The following SP100 variants were observed in gnomAD, a reference collection of about 807,000 sequenced individuals.
SP100 encodes the protein SP100 nuclear body protein, also known as nuclear autoantigen Sp-100.
A neutral mutation model predicts 130.0 loss-of-function variants in SP100; 84 were observed. The observed-to-expected ratio is 0.65, with a 90% CI of 0.54 to 0.77. SP100 has a LOEUF of 0.77. SP100 is among the 30% of genes least tolerant of loss of function. SP100 has a pLI of 0.00. For synonymous variants in SP100, 331 were observed against 351.7 expected (o/e 0.94, Z 0.66); for missense variants, 978 against 1,052.2 (o/e 0.93, Z 0.97).
In SP100 at chr2:230,443,203, G is replaced by C; in HGVS notation, c.270+104G>C. ...TCAGGGTACAATTTGCTAACTGACAGGTCTCCTATGAGTGGGGAACTTTTT... is the reference window on the plus strand; with the variant it reads ...TCAGGGTACAATTTGCTAACTGACACGTCTCCTATGAGTGGGGAACTTTTT... On this transcript the variant is annotated intron_variant, in intron 3 of 28. Transcript: ENST00000340126. 6 of 1,082,534 alleles carry C rather than the reference G, an allele frequency of 5.5e-6. 1 individual carries two copies. Among genetic ancestry groups the C allele is most frequent in the South Asian group, 4.3e-5 (3 of 69,962 alleles). The allele number at this position is 1,082,534 out of a possible 1,614,324, so 67.1% of individuals were successfully genotyped here.
At position 230,539,166 on chromosome 2, in the gene SP100, G is replaced by A. The variant is rs190056034; in HGVS notation, c.2095-101G>A. 1.7e-3 allele frequency: 1,245 copies of A among 717,218 alleles called. 17 individuals carry two copies. Among genetic ancestry groups the A allele is most frequent in the Middle Eastern group, 0.015 (58 of 4,000 alleles). 44.4% of individuals were successfully genotyped at this position (717,218 alleles called of 1,614,324 possible). ...ACTCAGCAATCTTTAATATTTTGAGGACAGAAATTTACAAGTGTGCCCTTG... is the reference window on the plus strand; with the variant it reads ...ACTCAGCAATCTTTAATATTTTGAGAACAGAAATTTACAAGTGTGCCCTTG... On this transcript the variant is annotated intron_variant, in intron 24 of 28. Transcript: ENST00000340126.
At chr2:230,449,238 T>C in intron 6 of SP100, 88 bp downstream of exon 6, 1 of 1,318,922 alleles carries the variant, frequency 7.6e-7, no homozygotes, top group African/African-American at 1.4e-5. Flanking sequence ...GTGTTAATGA[T>C]TGTCCAGAAT....
At chr2:230,502,861 G>C (rs1160752190) in intron 19 of SP100, among the ~76,000 whole-genome samples, 1 of 152,126 alleles carries the variant, frequency 6.6e-6, no homozygotes. Context: ...CACAACTACA[G>C]AGTTGAGTAG....
At chr2:230,477,347 A>G (rs1341286344) in intron 17 of SP100, among the ~76,000 whole-genome samples, 1 of 152,050 alleles carries the variant, frequency 6.6e-6, no homozygotes, top group Non-Finnish European at 1.5e-5. Context: ...TTATGTAGTC[A>G]AATTTGTCAG....
At chr2:230,535,376 C>T (rs1291399744) in intron 24 of SP100, among the ~76,000 whole-genome samples, 1 of 152,036 alleles carries the variant, frequency 6.6e-6, no homozygotes, top group Non-Finnish European at 1.5e-5. Flanking sequence ...ATTTACTAAC[C>T]TAATATGAAG....
intron 28 of SP100, among the ~76,000 whole-genome samples, chr2:230,542,280 T>G (rs1245540159): frequency 6.6e-6 from 1 of 152,184 alleles, no homozygotes; most frequent in Non-Finnish European, 1.5e-5. Context: ...CATTTCTAGA[T>G]GGTTTGTTTT....
At position 230,540,882 on chromosome 2, in the gene SP100, G is replaced by A. The variant is rs141404327; in HGVS notation, c.2217G>A (p.Pro739=). ...TTTATGCCCCATCTCTCAGGAACCCGTGGAGTTGCATCTTCTGCAGGATAA... is the reference window on the plus strand; with the variant it reads ...TTTATGCCCCATCTCTCAGGAACCCATGGAGTTGCATCTTCTGCAGGATAA... ...HIPSVEANKN[P]WSCIFCRIKT... Residue 739 remains proline, a synonymous_variant, in exon 26 of 29, where the codon CCG becomes CCA. Transcript: ENST00000340126. 7.4e-4 allele frequency: 1,196 copies of A among 1,611,468 alleles called. 2 individuals carry two copies. The highest frequency in any genetic ancestry group is 9.2e-4 in the Non-Finnish European group (1,086 of 1,178,248).
At position 230,498,479 on chromosome 2, in the gene SP100, C is replaced by G. The variant is rs1202494966; in HGVS notation, c.1664C>G (p.Pro555Arg). Residue 555 changes from proline (P) to arginine (R), a missense_variant, in exon 19 of 29, where the codon CCT (proline) becomes CGT (arginine). Physicochemically the swap from Pro to Arg is moderately radical, Grantham distance 103. Coordinates refer to ENST00000340126, the MANE Select transcript of SP100 (RefSeq NM_001080391.2). ...TTCTCAGGGAGAAAGAAAGACAGAC[C>G]TAGAAAACATTTAACTCTGAATAAC... ...GLQRGRKKDRPRKHLTLNNKV... is the reference protein window; with the variant it reads ...GLQRGRKKDRRRKHLTLNNKV... 1 of 1,499,674 alleles carries G rather than the reference C, an allele frequency of 6.7e-7. No individual in the cohort carries two copies. Among genetic ancestry groups the G allele is most frequent in the Non-Finnish European group, 8.8e-7 (1 of 1,131,880 alleles). The allele number at this position is 1,499,674 out of a possible 1,614,324, so 92.9% of individuals were successfully genotyped here. A position where few individuals can be genotyped will look rare whatever the true frequency, so the allele number is the denominator to read the frequency against.
At chr2:230,452,635 G>A (rs1322020073) in intron 8 of SP100, among the ~76,000 whole-genome samples, 2 of 152,062 alleles carry the variant, frequency 1.3e-5, no homozygotes, top group Non-Finnish European at 2.9e-5. Flanking sequence ...TTTTCAGTGT[G>A]TGCATATTTC....
chr2:230,442,945 C>T lies in SP100; in HGVS notation c.116C>T (p.Thr39Met), dbSNP rs373614701. ...AHSHDLQRMF[T>M]EDQGVDDRLL... ...GTGTCCTTTTTCCCTAGGATGTTCA[C>T]GGAAGACCAGGGTGTAGATGACAGG... is the stretch of plus-strand genomic sequence containing the variant. The change falls in exon 3 of 29, where the codon ACG becomes ATG. Residue 39 changes from threonine to methionine, a missense_variant. Thr to Met is a moderately conservative substitution (Grantham distance 81, BLOSUM62 -1). Coordinates refer to ENST00000340126, the MANE Select transcript of SP100 (RefSeq NM_001080391.2). The T allele has an allele frequency of 2.0e-5, 32 of 1,613,062 alleles. No individual in the cohort carries two copies. The highest frequency in any genetic ancestry group is 1.6e-4 in the South Asian group (15 of 90,948).
At chr2:230,456,978 TTA>T (rs2064305039) in intron 8 of SP100, among the ~76,000 whole-genome samples, 1 of 152,256 alleles carries the variant, frequency 6.6e-6, no homozygotes, top group Non-Finnish European at 1.5e-5. Context: ...TCTTTGGTTT[TTA>T]TGTTTCTTGT....
At chr2:230,426,069 C>T (rs1366233326) in intron 2 of SP100, among the ~76,000 whole-genome samples, 1 of 152,012 alleles carries the variant, frequency 6.6e-6, no homozygotes, top group Non-Finnish European at 1.5e-5. Context: ...CGATTCTTTG[C>T]ATTATCATGT....
chr2:230,515,039 C>T (rs1267897738), intron 24 of SP100: 3 of 1,600,558 alleles, frequency 1.9e-6, no homozygotes, highest in Admixed American at 3.5e-5. Context: ...AAAGCAGATC[C>T]TAAGAAGCTG....
At chr2:230,460,022 C>T (rs2064503774) in intron 8 of SP100, among the ~76,000 whole-genome samples, 1 of 152,202 alleles carries the variant, frequency 6.6e-6, no homozygotes, top group Admixed American at 6.5e-5. Context: ...CCTTTACTTA[C>T]TGGAATTTGC....
chr2:230,436,926 A>ACGC (rs59413754), intron 2 of SP100, among the ~76,000 whole-genome samples: 26 of 81,102 alleles, frequency 3.2e-4, no homozygotes, highest in African/African-American at 4.8e-4. Flanking sequence ...GTATACACAC[A>ACGC]AGTGTATACA....
intron 24 of SP100, among the ~76,000 whole-genome samples, chr2:230,534,007 T>C (rs935049526): frequency 1.4e-4 from 21 of 152,204 alleles, no homozygotes; most frequent in Admixed American, 7.2e-4. Context: ...TTATTTACCT[T>C]TTGAATAACT....
Position 230,466,352 on chromosome 2 carries a change from G to C in SP100, c.1193G>C (p.Arg398Thr). The change falls in exon 12 of 29, where the codon AGA becomes ACA. Residue 398 changes from arginine (R) to threonine (T), a missense_variant and splice_region_variant. Coordinates refer to ENST00000340126, the MANE Select transcript of SP100 (RefSeq NM_001080391.2). ...ACATTCAGAGAAAGTTTTAAGAAAA[G>C]AGGTAAGAGAAAGCTTTAGGAAAAG... is the stretch of plus-strand genomic sequence containing the variant. The part of the protein sequence containing the change: ...LSTFRESFKK[R>T]VIGQDHDFSE... 2.0e-6 allele frequency: 3 copies of C among 1,518,712 alleles called. No homozygotes were observed. Among genetic ancestry groups the C allele is most frequent in the Non-Finnish European group, 2.7e-6 (3 of 1,094,112 alleles). The allele number at this position is 1,518,712 out of a possible 1,614,324, so 94.1% of individuals were successfully genotyped here.
chr2:230,449,217 G>C (rs73000258), intron 6 of SP100, 67 bp downstream of exon 6: 17,399 of 1,504,772 alleles, frequency 0.012, 110 homozygotes, highest in Non-Finnish European at 0.014. Flanking sequence ...GTGCTGTGGG[G>C]TTGCCTCTTT....
chr2:230,435,096 G>A (rs1442747748), intron 2 of SP100, among the ~76,000 whole-genome samples: 1 of 152,168 alleles, frequency 6.6e-6, no homozygotes, highest in Non-Finnish European at 1.5e-5. Flanking sequence ...CATCTTTTCT[G>A]AAAAGGCTGT....
Sources: allele counts gnomAD v4.1 joint callset (sites outside exome capture counted in the v4.1 genomes callset), GRCh38; gene constraint gnomAD v4.1.1; transcripts MANE v1.5; gene names NCBI Gene and HGNC (gene_info 2026-07-23, HGNC 2026-07-21).